PHLDB2: variants seen among roughly 807,000 people sequenced by gnomAD.
The protein encoded by PHLDB2 is pleckstrin homology like domain family B member 2.
Under a neutral mutation model 123.6 loss-of-function variants are expected in PHLDB2, and 71 were observed. The ratio of observed to expected loss-of-function variants is 0.57; its 90% CI spans 0.47 to 0.70. The LOEUF (loss-of-function observed/expected upper bound fraction) is 0.70, where lower values mean the gene tolerates loss of function less well. Ranked by LOEUF, PHLDB2 falls within the 30% of genes least tolerant of loss-of-function variation. PHLDB2 has a pLI of 0.00. For synonymous variants in PHLDB2, 547 were observed against 541.6 expected, an observed-to-expected ratio of 1.01 and a Z score of -0.14; for missense variants, 1,446 against 1,519.5, an observed-to-expected ratio of 0.95 and a Z score of 0.80.
chr3:111,868,906 A>G (rs943008002), intron 1 of PHLDB2, among the ~76,000 whole-genome samples: 1 of 152,226 alleles, frequency 6.6e-6, no homozygotes, highest in Non-Finnish European at 1.5e-5. Flanking sequence ...AGTCTAAAGA[A>G]TATTTTAAAG....
At chr3:111,870,685 A>G (rs1368045052) in intron 1 of PHLDB2, among the ~76,000 whole-genome samples, 4 of 151,866 alleles carry the variant, frequency 2.6e-5, no homozygotes, top group Non-Finnish European at 5.9e-5. Context: ...ATCTGCTGCC[A>G]TTGGTCACCA....
At chr3:111,831,747 G>A (rs754928529) in intron 1 of PHLDB2, among the ~76,000 whole-genome samples, 10 of 152,076 alleles carry the variant, frequency 6.6e-5, no homozygotes, top group Non-Finnish European at 1.2e-4. Flanking sequence ...ATATAGATAC[G>A]AATGCAGTGC....
chr3:111,780,345 A>AGAGGAG, intron 1 of PHLDB2, among the ~76,000 whole-genome samples: 1 of 18,792 alleles, frequency 5.3e-5, no homozygotes, highest in East Asian at 9.1e-3. Flanking sequence ...AAGAAGAAGA[A>AGAGGAG]GAAGAAGAAG....
At chr3:111,836,864 G>T (rs989320827) in intron 1 of PHLDB2, among the ~76,000 whole-genome samples, 2 of 152,080 alleles carry the variant, frequency 1.3e-5, no homozygotes, top group Non-Finnish European at 1.5e-5. Context: ...TCTCCCACCA[G>T]GTCCCTCCCT....
chr3:111,826,214 C>A (rs2062647152), intron 1 of PHLDB2, among the ~76,000 whole-genome samples: 1 of 151,994 alleles, frequency 6.6e-6, no homozygotes, highest in African/African-American at 2.4e-5. Context: ...GAGGCTGAGG[C>A]AGGAGAATTG....
intron 12 of PHLDB2, chr3:111,961,813 G>A (rs1373478309): frequency 5.6e-6 from 2 of 358,172 alleles, no homozygotes; most frequent in South Asian, 3.9e-5. Flanking sequence ...TTGTGTTTCT[G>A]TTTGGTTTCT....
At position 111,975,633 on chromosome 3, in the gene PHLDB2, ATTATT is replaced by A. The variant is rs756904618; in HGVS notation, c.*1083_*1087del. On this transcript the variant is annotated 3_prime_UTR_variant, in exon 18 of 18. Coordinates refer to ENST00000431670, the MANE Select transcript of PHLDB2 (RefSeq NM_001134438.2). ...TTCAACTTAATATTCTCTATAATGT[ATTATT>A]TTATTTTATTTTTTACAATTAGCCT... 6.6e-6 allele frequency: 1 copy of A among 152,540 alleles called. No individual in the cohort carries two copies. Among genetic ancestry groups the A allele is most frequent in the African/African-American group, 2.4e-5 (1 of 41,434 alleles). The allele number at this position is 152,540 out of a possible 1,614,324, so 9.4% of individuals were successfully genotyped here.
At chr3:111,907,792 A>AT (rs891028868) in intron 2 of PHLDB2, among the ~76,000 whole-genome samples, 23 of 151,396 alleles carry the variant, frequency 1.5e-4, no homozygotes, top group African/African-American at 5.6e-4. Flanking sequence ...GTGGTCAGCT[A>AT]TTTTTTTCTG....
At chr3:111,951,569 C>A (rs1344331410) in intron 10 of PHLDB2, among the ~76,000 whole-genome samples, 1 of 151,938 alleles carries the variant, frequency 6.6e-6, no homozygotes. Flanking sequence ...CCTAAAAAAT[C>A]TTTAATTAAG....
At chr3:111,909,519 C>G (rs190487104) in intron 2 of PHLDB2, among the ~76,000 whole-genome samples, 3 of 152,228 alleles carry the variant, frequency 2.0e-5, no homozygotes, top group Admixed American at 2.0e-4. Context: ...ATCCCTTGAG[C>G]CCAGGAGATC....
At chr3:111,850,306 A>AG (rs1209616410) in intron 2 of PHLDB2, among the ~76,000 whole-genome samples, 2 of 152,130 alleles carry the variant, frequency 1.3e-5, no homozygotes, top group East Asian at 3.9e-4. Flanking sequence ...GGAGAAGGTG[A>AG]GGGGGGCAGG....
intron 5 of PHLDB2, among the ~76,000 whole-genome samples, chr3:111,928,504 C>T (rs1383693108): frequency 1.3e-5 from 2 of 152,168 alleles, no homozygotes; most frequent in African/African-American, 4.8e-5. Context: ...TATTTAAAAG[C>T]TCTTCCACAT....
chr3:111,955,198 G>A (rs2070979570), intron 12 of PHLDB2, among the ~76,000 whole-genome samples: 1 of 148,190 alleles, frequency 6.7e-6, no homozygotes, highest in South Asian at 2.1e-4. Context: ...ATTACTAAAG[G>A]CGATTTAAAA....
chr3:111,886,448 C>CT (rs34843747), intron 2 of PHLDB2, among the ~76,000 whole-genome samples: 66,852 of 146,484 alleles, frequency 0.46, 15,740 homozygotes, highest in East Asian at 0.67. Context: ...TTTTTTTTGC[C>CT]TTTTTTTTTT....
chr3:111,826,661 C>T (rs1037707117), intron 1 of PHLDB2, among the ~76,000 whole-genome samples: 10 of 152,156 alleles, frequency 6.6e-5, no homozygotes, highest in African/African-American at 2.4e-4. Context: ...ATCCTTAATA[C>T]CCAACAGTAA....
intron 12 of PHLDB2, among the ~76,000 whole-genome samples, chr3:111,959,402 C>T (rs1443661813): frequency 1.3e-5 from 2 of 152,192 alleles, no homozygotes; most frequent in African/African-American, 4.8e-5. Context: ...TGAACTTTTC[C>T]ACTCACTTTG....
At chr3:111,846,073 C>A in intron 2 of PHLDB2, 1 of 860,482 alleles carries the variant, frequency 1.2e-6, no homozygotes, top group Non-Finnish European at 1.8e-6. Context: ...CTGAGGCTGG[C>A]AATCCTTGCC....
At chr3:111,758,576 C>G (rs944198555) in intron 1 of PHLDB2, among the ~76,000 whole-genome samples, 2 of 152,154 alleles carry the variant, frequency 1.3e-5, no homozygotes, top group African/African-American at 4.8e-5. Flanking sequence ...CAATGCCTCG[C>G]CCTGCTTCAG....
intron 1 of PHLDB2, among the ~76,000 whole-genome samples, chr3:111,843,392 T>G (rs2063785862): frequency 6.6e-6 from 1 of 152,102 alleles, no homozygotes; most frequent in Non-Finnish European, 1.5e-5. Flanking sequence ...ATCCTTTGAG[T>G]ATTTTGATTT....
Sources: allele counts gnomAD v4.1 joint callset (sites outside exome capture counted in the v4.1 genomes callset), GRCh38; gene constraint gnomAD v4.1.1; transcripts MANE v1.5; gene names NCBI Gene and HGNC (gene_info 2026-07-23, HGNC 2026-07-21).